The following MROH1 variants were observed in gnomAD, a reference collection of about 807,000 sequenced individuals.
MROH1 encodes the protein maestro heat like repeat family member 1.
In MROH1, 117 loss-of-function variants were observed where a neutral mutation model predicts 116.5. The ratio of observed to expected loss-of-function variants is 1.00; its 90% CI spans 0.86 to 1.17. The LOEUF (loss-of-function observed/expected upper bound fraction) is 1.17, where lower values mean the gene tolerates loss of function less well. MROH1 is among the 50% of genes most tolerant of loss of function. The pLI is 0.00. For synonymous variants in MROH1, 921 were observed against 583.9 expected (o/e 1.58, Z -8.32); for missense variants, 1,873 against 1,338.5 (o/e 1.40, Z -6.23).
At chr8:144,220,530 G>C (rs1836485316) in intron 12 of MROH1, 70 bp from the exon 13 acceptor site, 1 of 1,409,928 alleles carries the variant, frequency 7.1e-7, no homozygotes, top group African/African-American at 1.4e-5. Flanking sequence ...CCAGGCCCCT[G>C]GTGATGTGGA....
intron 4 of MROH1, among the ~76,000 whole-genome samples, chr8:144,172,222 G>C (rs1217947448): frequency 6.6e-6 from 1 of 152,114 alleles, no homozygotes. Context: ...TTCTGATCCA[G>C]AAGAGATTTA....
chr8:144,198,047 C>CA lies in MROH1; in HGVS notation c.949-1058dup, dbSNP rs11366876. Among the ~76,000 whole-genome samples the CA allele has an allele frequency of 3.5e-3, 406 of 116,804 alleles. 4 individuals carry two copies. The highest frequency in any genetic ancestry group is 7.0e-3 in the African/African-American group (213 of 30,228). The allele number at this position is 116,804 out of a possible 152,430, so 76.6% of individuals were successfully genotyped here. On this transcript the variant is annotated intron_variant, in intron 10 of 43. Transcript: ENST00000326134. Reference sequence around the variant, plus strand: ...CTGGGCAACAAGAGCAAAACTGTTTCAAAAAAAAAAAAAAAAAGAAAGAAA... The same window carrying CA: ...CTGGGCAACAAGAGCAAAACTGTTTCAAAAAAAAAAAAAAAAAAGAAAGAAA...
chr8:144,233,548 C>T (rs1461079423), intron 14 of MROH1, among the ~76,000 whole-genome samples: 1 of 151,410 alleles, frequency 6.6e-6, no homozygotes, highest in South Asian at 2.1e-4. Context: ...CACCTTCTCT[C>T]TCTACGAATT....
chr8:144,253,684 G>C (rs1843213113), intron 33 of MROH1, among the ~76,000 whole-genome samples: 1 of 151,882 alleles, frequency 6.6e-6, no homozygotes, highest in African/African-American at 2.4e-5. Context: ...GACGCTCCTG[G>C]AATTCCCACC....
At chr8:144,166,259 G>A (rs1185932500) in intron 3 of MROH1, among the ~76,000 whole-genome samples, 3 of 152,192 alleles carry the variant, frequency 2.0e-5, no homozygotes, top group African/African-American at 7.2e-5. Context: ...CATCACATTG[G>A]GGGTTAAGTT....
At chr8:144,239,583 C>G in intron 17 of MROH1, 31 bp from the exon 18 acceptor site, 1 of 769,892 alleles carries the variant, frequency 1.3e-6, no homozygotes, top group South Asian at 1.4e-5. Context: ...GCTCCCTGCT[C>G]AGACCCGGCT....
rs1830534228 is a variant in MROH1, at chr8:144,199,106, C to G, written c.949-16C>G. 6.2e-7 allele frequency: 1 copy of G among 1,612,792 alleles called. No individual in the cohort carries two copies. The highest frequency in any genetic ancestry group is 8.5e-7 in the Non-Finnish European group (1 of 1,179,344). On this transcript the variant is annotated splice_polypyrimidine_tract_variant and intron_variant, in intron 10 of 43. Coordinates refer to ENST00000326134, the MANE Select transcript of MROH1 (RefSeq NM_032450.3). ...GGCCTCTCTGGTCTATAACCTCGGC[C>G]CCGTTCCTGGAGCAGATCTGTGTGC...
chr8:144,239,475 T>TGTG, intron 17 of MROH1, 112 bp downstream of exon 17: 1 of 771,340 alleles, frequency 1.3e-6, no homozygotes, highest in South Asian at 1.3e-5. Context: ...AGGGCTCAGG[T>TGTG]GTGGTTTTCC....
chr8:144,233,750 A>G (rs1839439400), intron 14 of MROH1, among the ~76,000 whole-genome samples: 1 of 152,166 alleles, frequency 6.6e-6, no homozygotes, highest in African/African-American at 2.4e-5. Flanking sequence ...CTTCATGGAC[A>G]CTCGGGGTGC....
intron 5 of MROH1, among the ~76,000 whole-genome samples, chr8:144,179,948 C>CGT (rs1047052519): frequency 4.7e-5 from 7 of 147,624 alleles, no homozygotes; most frequent in African/African-American, 1.7e-4. Flanking sequence ...GCTGCTCCTG[C>CGT]GTGTGGGGTC....
intron 11 of MROH1, among the ~76,000 whole-genome samples, chr8:144,199,911 G>A (rs1159220561): frequency 6.6e-6 from 1 of 152,192 alleles, no homozygotes; most frequent in Non-Finnish European, 1.5e-5. Flanking sequence ...CTGATACCCA[G>A]GCAGAGCAGG....
Position 144,259,368 on chromosome 8 carries a change from G to C in MROH1, c.4044+14G>C, listed in dbSNP as rs1844533831. 1 of 714,810 alleles carries C rather than the reference G, an allele frequency of 1.4e-6. No homozygotes were observed. Among genetic ancestry groups the C allele is most frequent in the Non-Finnish European group, 2.6e-6 (1 of 384,866 alleles). 44.3% of individuals were successfully genotyped at this position (714,810 alleles called of 1,614,324 possible). On this transcript the variant is annotated intron_variant, in intron 37 of 43. Coordinates refer to ENST00000326134, the MANE Select transcript of MROH1 (RefSeq NM_032450.3). ...TTCCTGGCCGAGGTAGGCCCTTCCAGGGACGGATGCTGGGCACCAAGGTGG... is the reference window on the plus strand; with the variant it reads ...TTCCTGGCCGAGGTAGGCCCTTCCACGGACGGATGCTGGGCACCAAGGTGG...
intron 4 of MROH1, among the ~76,000 whole-genome samples, chr8:144,177,646 G>A (rs1824352585): frequency 6.6e-6 from 1 of 152,180 alleles, no homozygotes; most frequent in South Asian, 2.1e-4. Flanking sequence ...CAAATCTCAT[G>A]TTGAAATGTA....
In MROH1 at chr8:144,261,786, G is replaced by C. The variant is rs1002344224; in HGVS notation, c.*46G>C. 5 of 700,270 alleles carry C rather than the reference G, an allele frequency of 7.1e-6. No individual in the cohort carries two copies. Among genetic ancestry groups the C allele is most frequent in the Non-Finnish European group, 1.0e-5 (4 of 383,796 alleles). The allele number at this position is 700,270 out of a possible 1,614,324, so 43.4% of individuals were successfully genotyped here. A position where few individuals can be genotyped will look rare whatever the true frequency, so the allele number is the denominator to read the frequency against. On this transcript the variant is annotated 3_prime_UTR_variant, in exon 44 of 44. Coordinates refer to ENST00000326134, the MANE Select transcript of MROH1 (RefSeq NM_032450.3). ...GCGAGGAGTATGCACCCAGACCTGT[G>C]CCTGAGCTCCAAGACAGGGCCTCCT...
intron 1 of MROH1, among the ~76,000 whole-genome samples, chr8:144,154,665 C>CTTT (rs1224999167): frequency 1.5e-5 from 2 of 133,828 alleles, no homozygotes; most frequent in Admixed American, 7.6e-5. Context: ...AATACTGCAT[C>CTTT]TTTTTTTTTT....
chr8:144,233,717 C>T (rs1315667025), intron 14 of MROH1, among the ~76,000 whole-genome samples: 1 of 152,190 alleles, frequency 6.6e-6, no homozygotes, highest in Non-Finnish European at 1.5e-5. Context: ...GTGGAGATGG[C>T]GAAGTGCTTA....
At chr8:144,173,425 TTTA>T (rs1253912082) in intron 4 of MROH1, among the ~76,000 whole-genome samples, 68 of 9,658 alleles carry the variant, frequency 7.0e-3, no homozygotes, top group Admixed American at 0.011. Context: ...TTATTTTTAT[TTTA>T]TTTTTTTTTT....
chr8:144,175,196 G>C lies in MROH1; in HGVS notation c.169-4259G>C, dbSNP rs1183854101. ...TCCTCCCAGCAGCGGATCTGGTCGA[G>C]TGGGTATAAATGCCCTGCTGCACCC... On this transcript the variant is annotated intron_variant, in intron 4 of 43. Transcript: ENST00000326134. 3 of 976,192 alleles carry C rather than the reference G, an allele frequency of 3.1e-6. No individual in the cohort carries two copies. The East Asian group carries it at 3.4e-4, about 111-fold the overall frequency. The allele number at this position is 976,192 out of a possible 1,614,324, so 60.5% of individuals were successfully genotyped here.
chr8:144,192,578 C>A (rs1054493566), intron 10 of MROH1, 177 bp downstream of exon 10: 7 of 709,966 alleles, frequency 9.9e-6, no homozygotes, highest in African/African-American at 7.0e-5. Context: ...GATGCTCTTG[C>A]CCTGCCCAGT....
Sources: gnomAD v4.1 joint callset for allele counts (sites outside exome capture counted in the v4.1 genomes callset) on GRCh38, gnomAD v4.1.1 for gene constraint, MANE v1.5 for transcripts, NCBI Gene and HGNC (gene_info 2026-07-23, HGNC 2026-07-21) for gene names.